SGCZ: variants seen among roughly 807,000 people sequenced by gnomAD.
SGCZ encodes zeta-sarcoglycan.
SGCZ carries 40 observed loss-of-function variants against 41.3 expected under a neutral mutation model. That is an observed-to-expected ratio of 0.97 (90% CI 0.75 to 1.26). The LOEUF (loss-of-function observed/expected upper bound fraction) is 1.26. Ranked by LOEUF, SGCZ falls within the 50% of genes most tolerant of loss-of-function variation. The pLI is 0.00. For missense variants in SGCZ, 552 were observed against 369.8 expected (o/e 1.49, Z -4.04); for synonymous variants, 206 against 137.5 (o/e 1.50, Z -3.49).
chr8:15,197,590 G>A (rs1800770712), intron 1 of SGCZ, among the ~76,000 whole-genome samples: 1 of 152,086 alleles, frequency 6.6e-6, no homozygotes, highest in Non-Finnish European at 1.5e-5. Flanking sequence ...GAAAATGTGG[G>A]TAAATTCAGC....
At chr8:14,897,662 C>T (rs1343392564) in intron 1 of SGCZ, among the ~76,000 whole-genome samples, 3 of 152,164 alleles carry the variant, frequency 2.0e-5, no homozygotes, top group Non-Finnish European at 4.4e-5. Context: ...ATTCATATGT[C>T]CCTGCATAGA....
chr8:14,963,895 A>G (rs1203736226), intron 1 of SGCZ, among the ~76,000 whole-genome samples: 1 of 152,134 alleles, frequency 6.6e-6, no homozygotes, highest in Non-Finnish European at 1.5e-5. Context: ...TCTAAAATAA[A>G]ACTTTTCACC....
chr8:14,455,320 G>A (rs566231559), intron 2 of SGCZ, among the ~76,000 whole-genome samples: 1 of 152,046 alleles, frequency 6.6e-6, no homozygotes, highest in Admixed American at 6.5e-5. Context: ...CATAACTAAG[G>A]TACTGTTTTC....
intron 1 of SGCZ, among the ~76,000 whole-genome samples, chr8:14,839,108 G>A (rs1376432981): frequency 2.0e-5 from 3 of 152,120 alleles, no homozygotes; most frequent in South Asian, 4.1e-4. Context: ...CAGGAAGATC[G>A]AAAAGACTGA....
chr8:14,840,437 C>A (rs1488611757), intron 1 of SGCZ, among the ~76,000 whole-genome samples: 2 of 151,946 alleles, frequency 1.3e-5, no homozygotes, highest in African/African-American at 2.4e-5. Flanking sequence ...TACAATGTTG[C>A]GGAAAACAAT....
chr8:14,867,217 T>C (rs948896665), intron 1 of SGCZ, among the ~76,000 whole-genome samples: 1 of 152,158 alleles, frequency 6.6e-6, no homozygotes, highest in African/African-American at 2.4e-5. Context: ...TTAAAAATAA[T>C]GTTCAAACGC....
intron 1 of SGCZ, among the ~76,000 whole-genome samples, chr8:15,156,057 C>CAAAAAA (rs67378130): frequency 0.17 from 18,761 of 109,762 alleles, 1,838 homozygotes; most frequent in East Asian, 0.33. Flanking sequence ...GATTCCCTCT[C>CAAAAAA]AAAAAAAAAA....
intron 2 of SGCZ, among the ~76,000 whole-genome samples, chr8:14,445,997 G>A (rs1044097647): frequency 5.3e-5 from 8 of 152,276 alleles, no homozygotes; most frequent in Admixed American, 2.0e-4. Context: ...GCTCCCTCCT[G>A]CAAGGGGTTG....
At chr8:14,405,824 C>T (rs894427220) in intron 2 of SGCZ, among the ~76,000 whole-genome samples, 4 of 152,122 alleles carry the variant, frequency 2.6e-5, no homozygotes, top group East Asian at 1.9e-4. Context: ...TACATTAGAA[C>T]ATTTCGGCAT....
chr8:15,121,989 G>C (rs1807499055), intron 1 of SGCZ, among the ~76,000 whole-genome samples: 1 of 150,968 alleles, frequency 6.6e-6, no homozygotes, highest in African/African-American at 2.4e-5. Context: ...TGATGTGTAG[G>C]GATACAACAT....
At chr8:15,036,684 A>G (rs571625411) in intron 1 of SGCZ, among the ~76,000 whole-genome samples, 2 of 152,312 alleles carry the variant, frequency 1.3e-5, no homozygotes, top group East Asian at 3.9e-4. Flanking sequence ...AATTATTCTC[A>G]AATTCTTCCA....
At chr8:15,133,618 G>A (rs988568872) in intron 1 of SGCZ, among the ~76,000 whole-genome samples, 3 of 152,152 alleles carry the variant, frequency 2.0e-5, no homozygotes, top group Non-Finnish European at 2.9e-5. Flanking sequence ...AACAAAATCT[G>A]CCACATAACC....
chr8:14,347,960 C>T (rs1802948970), intron 2 of SGCZ, among the ~76,000 whole-genome samples: 1 of 152,080 alleles, frequency 6.6e-6, no homozygotes, highest in African/African-American at 2.4e-5. Context: ...TTGCAACTCC[C>T]TCTTTCTCTT....
chr8:14,778,413 G>A (rs147353616), intron 1 of SGCZ, among the ~76,000 whole-genome samples: 1 of 152,178 alleles, frequency 6.6e-6, no homozygotes, highest in African/African-American at 2.4e-5. Context: ...ATTTGTAAAT[G>A]AACTTTTTTC....
intron 3 of SGCZ, among the ~76,000 whole-genome samples, chr8:14,292,187 A>G (rs1437398672): frequency 6.6e-6 from 1 of 152,090 alleles, no homozygotes; most frequent in African/African-American, 2.4e-5. Context: ...CAAGACATAA[A>G]TAACAGACTA....
intron 1 of SGCZ, among the ~76,000 whole-genome samples, chr8:14,902,369 C>T (rs572286079): frequency 2.0e-5 from 3 of 152,196 alleles, no homozygotes; most frequent in East Asian, 1.9e-4. Context: ...TTGACCCCTG[C>T]GACTTGGTCA....
intron 1 of SGCZ, among the ~76,000 whole-genome samples, chr8:14,852,496 A>G (rs1023194897): frequency 7.9e-5 from 12 of 152,218 alleles, no homozygotes; most frequent in African/African-American, 2.9e-4. Context: ...AAAATCAAAA[A>G]TTAATTCAAC....
intron 1 of SGCZ, among the ~76,000 whole-genome samples, chr8:14,746,879 T>C (rs1799352471): frequency 6.6e-6 from 1 of 152,218 alleles, no homozygotes; most frequent in Non-Finnish European, 1.5e-5. Context: ...CTTTCAACTG[T>C]ATGTCCTACT....
At chr8:14,994,277 G>C (rs1802130216) in intron 1 of SGCZ, among the ~76,000 whole-genome samples, 1 of 152,054 alleles carries the variant, frequency 6.6e-6, no homozygotes, top group Admixed American at 6.6e-5. Flanking sequence ...ATTTATTTGT[G>C]TGATTGCTTT....
Sources: allele counts gnomAD v4.1 joint callset (sites outside exome capture counted in the v4.1 genomes callset), GRCh38; gene constraint gnomAD v4.1.1; transcripts MANE v1.5; gene names NCBI Gene and HGNC (gene_info 2026-07-23, HGNC 2026-07-21).